Variants in C12orf42 observed in about 807,000 individuals in gnomAD.
C12orf42 encodes the protein uncharacterized protein C12orf42.
Under a neutral mutation model 21.6 loss-of-function variants are expected in C12orf42, and 25 were observed. The observed-to-expected ratio is 1.16, with a 90% CI of 0.84 to 1.62. The LOEUF is 1.62. Among genes scored for constraint, C12orf42 ranks in the 40% most tolerant of loss-of-function variants. C12orf42 has a pLI of 0.00. For missense variants in C12orf42, 483 were observed against 459.3 expected, an observed-to-expected ratio of 1.05 and a Z score of -0.47; for synonymous variants, 174 against 175.0, an observed-to-expected ratio of 0.99 and a Z score of 0.05.
the C12orf42 span, among the ~76,000 whole-genome samples, chr12:103,056,495 T>TTATGG: frequency 6.6e-6 from 1 of 152,310 alleles, no homozygotes. Flanking sequence ...TGTGACAAAT[T>TTATGG]CTGAAAGTTC....
chr12:103,106,415 T>C, the C12orf42 span, among the ~76,000 whole-genome samples: 2 of 151,922 alleles, frequency 1.3e-5, no homozygotes, highest in South Asian at 4.1e-4. Flanking sequence ...AATAAACATG[T>C]GGGTAAAAAT....
chr12:103,078,495 C>T, the C12orf42 span, among the ~76,000 whole-genome samples: 1 of 150,996 alleles, frequency 6.6e-6, no homozygotes, highest in Admixed American at 6.6e-5. Flanking sequence ...CCTAAAGGAC[C>T]ACCACATCAA....
the C12orf42 span, among the ~76,000 whole-genome samples, chr12:103,209,808 T>C: frequency 6.6e-6 from 1 of 152,194 alleles, no homozygotes; most frequent in Admixed American, 6.5e-5. Flanking sequence ...TTCTATTCAG[T>C]ACCCACACGT....
chr12:103,436,556 G>A (rs1950733076), intron 2 of C12orf42, among the ~76,000 whole-genome samples: 1 of 150,220 alleles, frequency 6.7e-6, no homozygotes, highest in African/African-American at 2.5e-5. Flanking sequence ...GATGGAGGAA[G>A]ATCTACCAAG....
chr12:103,184,718 C>T, the C12orf42 span, among the ~76,000 whole-genome samples: 1 of 140,346 alleles, frequency 7.1e-6, no homozygotes, highest in African/African-American at 2.6e-5. Context: ...GTCACCCCCC[C>T]CCCCCCAAAT....
At chr12:103,294,557 G>GAA (rs1276978145) in intron 4 of C12orf42, among the ~76,000 whole-genome samples, 17 of 93,932 alleles carry the variant, frequency 1.8e-4, no homozygotes, top group East Asian at 5.9e-4. Flanking sequence ...AAGAAAGAAA[G>GAA]AAAGAAAAAG....
the C12orf42 span, among the ~76,000 whole-genome samples, chr12:103,555,373 T>C: frequency 6.6e-6 from 1 of 152,060 alleles, no homozygotes; most frequent in African/African-American, 2.4e-5. Flanking sequence ...ATGAGACTTA[T>C]TCACTATCAC....
chr12:103,514,920 C>T, the C12orf42 span, among the ~76,000 whole-genome samples: 1 of 152,126 alleles, frequency 6.6e-6, no homozygotes, highest in Non-Finnish European at 1.5e-5. Context: ...GACCATTTTG[C>T]CCCCTACCCT....
chr12:103,134,688 C>T, the C12orf42 span, among the ~76,000 whole-genome samples: 2 of 151,948 alleles, frequency 1.3e-5, no homozygotes, highest in African/African-American at 4.8e-5. Context: ...CATTAGAAAA[C>T]CTATTTAAGA....
At chr12:103,300,821 T>A (rs7300758), downstream of C12orf42, among the ~76,000 whole-genome samples, 22,844 of 152,140 alleles carry the variant, frequency 0.15, 1,793 homozygotes, top group South Asian at 0.22. Flanking sequence ...TGCCATTATA[T>A]CCTCAGGAAA....
At chr12:103,529,254 C>T in the C12orf42 span, among the ~76,000 whole-genome samples, 1 of 152,186 alleles carries the variant, frequency 6.6e-6, no homozygotes, top group Non-Finnish European at 1.5e-5. Context: ...CCTCTCTTTA[C>T]CGTTATTAAT....
At chr12:103,355,721 C>T (rs956270972) in intron 4 of C12orf42, among the ~76,000 whole-genome samples, 7 of 152,014 alleles carry the variant, frequency 4.6e-5, no homozygotes, top group African/African-American at 1.7e-4. Context: ...GTTTGAGCAC[C>T]ATGACTCTAG....
At chr12:103,067,653 C>G in the C12orf42 span, among the ~76,000 whole-genome samples, 2 of 152,148 alleles carry the variant, frequency 1.3e-5, no homozygotes, top group Non-Finnish European at 2.9e-5. Flanking sequence ...CTTCCTATTC[C>G]CTCAGCATTA....
At chr12:103,244,714 T>C (rs905131675) in intron 10 of C12orf42, among the ~76,000 whole-genome samples, 1 of 152,116 alleles carries the variant, frequency 6.6e-6, no homozygotes, top group African/African-American at 2.4e-5. Context: ...TACATCTAAC[T>C]TATTTTTCAC....
chr12:103,227,789 G>C, the C12orf42 span, among the ~76,000 whole-genome samples: 3 of 152,174 alleles, frequency 2.0e-5, no homozygotes, highest in Non-Finnish European at 4.4e-5. Flanking sequence ...CCCAGTCCAT[G>C]ACCGGCGCCG....
rs140856141 is a variant in C12orf42 at position 103,306,335 on chromosome 12, T to C, written c.270A>G (p.Glu90=). 224 of 1,603,916 alleles carry C rather than the reference T, an allele frequency of 1.4e-4. No homozygotes were observed. The highest frequency in any genetic ancestry group is 1.7e-4 in the Non-Finnish European group (203 of 1,174,950). ...TACACGCCATTGAATTTTGAGTCCT[T>C]TCTGGAAATACTGTGAAAGGTAAAT... ...LHFLNFPVFP[E]RTQNSMACKR... Residue 90 remains glutamate, a synonymous_variant, in exon 5 of 6, where the codon GAA becomes GAG. Transcript: ENST00000548883.
the C12orf42 span, among the ~76,000 whole-genome samples, chr12:103,195,682 A>G: frequency 6.6e-6 from 1 of 151,836 alleles, no homozygotes; most frequent in South Asian, 2.1e-4. Flanking sequence ...TATAGATTCT[A>G]TCAGATTCTG....
At chr12:103,334,305 A>G (rs2041497439) in intron 4 of C12orf42, among the ~76,000 whole-genome samples, 1 of 152,326 alleles carries the variant, frequency 6.6e-6, no homozygotes, top group South Asian at 2.1e-4. Context: ...ACAAACAGGA[A>G]GAGAACAAAT....
rs574792321 is a variant in C12orf42, at chr12:103,424,393, A to G, written c.79-22718T>C. ...TACCGAGTGGCTGGCAAGATGGCTG[A>G]ATAGGAACAGCTCCGGTCTGCAACT... On this transcript the variant is annotated intron_variant, in intron 2 of 5. Transcript: ENST00000548883. Among the ~76,000 whole-genome samples, 95 of 152,370 alleles carry G rather than the reference A, an allele frequency of 6.2e-4. 2 individuals carry two copies. The South Asian group carries it at 0.018, about 29-fold the overall frequency.
Sources: allele counts gnomAD v4.1 joint callset (sites outside exome capture counted in the v4.1 genomes callset), GRCh38; gene constraint gnomAD v4.1.1; transcripts MANE v1.5; gene names NCBI Gene and HGNC (gene_info 2026-07-23, HGNC 2026-07-21).